The following ZNF564 variants were observed in gnomAD, a reference collection of about 807,000 sequenced individuals.
ZNF564 encodes zinc finger protein 564.
ZNF564 carries 5 observed loss-of-function variants against 10.5 expected under a neutral mutation model. The ratio of observed to expected loss-of-function variants is 0.48; its 90% confidence interval spans 0.25 to 1.00. The LOEUF is 1.00. Ranked by LOEUF, ZNF564 falls within the 50% of genes least tolerant of loss-of-function variation. The pLI, the probability that ZNF564 is intolerant of heterozygous loss-of-function variation, is 0.16. For synonymous variants in ZNF564, 242 were observed against 218.1 expected, an observed-to-expected ratio of 1.11 and a Z score of -0.97; for missense variants, 603 against 669.7, an observed-to-expected ratio of 0.90 and a Z score of 1.10.
intron 1 of ZNF564, among the ~76,000 whole-genome samples, chr19:12,547,218 C>T (rs2022171390): frequency 1.3e-5 from 2 of 152,090 alleles, no homozygotes; most frequent in Admixed American, 1.3e-4. Context: ...TGTGCACCAC[C>T]ACAATTTTTT....
chr19:12,540,665 T>C (rs140867876), intron 1 of ZNF564, among the ~76,000 whole-genome samples: 15 of 152,202 alleles, frequency 9.9e-5, no homozygotes, highest in East Asian at 5.8e-4. Flanking sequence ...CCATCCTGGC[T>C]AACATGATGA....
At chr19:12,537,659 A>C (rs1301612747) in intron 1 of ZNF564, among the ~76,000 whole-genome samples, 5 of 148,554 alleles carry the variant, frequency 3.4e-5, no homozygotes, top group African/African-American at 1.2e-4. Context: ...AATCACTTGA[A>C]CCCGGGAGGC....
At chr19:12,538,255 A>G (rs1333948485) in intron 1 of ZNF564, among the ~76,000 whole-genome samples, 1 of 151,952 alleles carries the variant, frequency 6.6e-6, no homozygotes, top group Non-Finnish European at 1.5e-5. Context: ...TTAGGAGGCA[A>G]AGACAGGAGG....
rs150388108 is a variant in ZNF564 at position 12,539,654 on chromosome 19, C to T, written c.4-10958G>A. Reference sequence around the variant, plus strand: ...CTGCACTCCAGCCTGGGCGACAGAGCGACAATTCCTCTCAAAAAGACAAAA... The same window carrying T: ...CTGCACTCCAGCCTGGGCGACAGAGTGACAATTCCTCTCAAAAAGACAAAA... On this transcript the variant is annotated intron_variant, in intron 1 of 3. Transcript: ENST00000339282. Among the ~76,000 whole-genome samples the T allele has an allele frequency of 3.0e-4, 44 of 145,668 alleles. 1 individual carries two copies. The East Asian group carries it at 8.1e-3, about 27-fold the overall frequency.
At chr19:12,539,568 T>C (rs1471401121) in intron 1 of ZNF564, among the ~76,000 whole-genome samples, 1 of 150,082 alleles carries the variant, frequency 6.7e-6, no homozygotes, top group Non-Finnish European at 1.5e-5. Context: ...CTTGGGAGGC[T>C]GAGGCAGGAG....
rs764254774 is a variant in ZNF564, at chr19:12,527,570, A to T, written c.538T>A (p.Ser180Thr). 7.4e-6 allele frequency: 12 copies of T among 1,614,048 alleles called. No individual in the cohort carries two copies. Among genetic ancestry groups the T allele is most frequent in the Non-Finnish European group, 1.0e-5 (12 of 1,180,024 alleles). The part of the protein sequence containing the change: ...ACPECGKAFI[S>T]LPSVRRHMIK... ...ATGTGTCTTCGAACACTTGGGAGAG[A>T]AATGAAGGCTTTCCCACATTCCGGA... The change falls in exon 4 of 4, where the codon TCT becomes ACT. Residue 180 changes from serine (S) to threonine (T), a missense_variant. Ser to Thr is a moderately conservative substitution (Grantham distance 58, BLOSUM62 1). Transcript: ENST00000339282.
chr19:12,550,560 G>A, intron 1 of ZNF564: 1 of 222,642 alleles, frequency 4.5e-6, no homozygotes, highest in Non-Finnish European at 1.0e-5. Context: ...GGAGGCTGAG[G>A]CAGGAGAATT....
chr19:12,551,181 G>T, intron 1 of ZNF564, 149 bp downstream of exon 1: 1 of 895,972 alleles, frequency 1.1e-6, no homozygotes, highest in Non-Finnish European at 1.7e-6. Flanking sequence ...CCCTGCGGCC[G>T]AGGGGACAGA....
Position 12,526,834 on chromosome 19 carries a change from A to T in ZNF564, c.1274T>A (p.Val425Glu). ...AAGAGAAATGAAGGCTTTCCCACATACCTGACATTCATAGGGTTTCTCTCC... is the reference window on the plus strand; with the variant it reads ...AAGAGAAATGAAGGCTTTCCCACATTCCTGACATTCATAGGGTTTCTCTCC... ...HTGEKPYECQ[V>E]CGKAFISLKR... Residue 425 changes from valine to glutamate, a missense_variant, in exon 4 of 4, where the codon GTA becomes GAA. Physicochemically the swap from Val to Glu is moderately radical, Grantham distance 121. Transcript: ENST00000339282. The T allele has an allele frequency of 6.2e-7, 1 of 1,606,814 alleles. No individual in the cohort carries two copies. Among genetic ancestry groups the T allele is most frequent in the East Asian group, 2.2e-5 (1 of 44,636 alleles).
At chr19:12,550,015 G>A (rs907136676) in intron 1 of ZNF564, among the ~76,000 whole-genome samples, 1 of 152,334 alleles carries the variant, frequency 6.6e-6, no homozygotes, top group South Asian at 2.1e-4. Flanking sequence ...TACCACGGCC[G>A]GGCGCGGTGG....
chr19:12,527,815 G>A lies in ZNF564; in HGVS notation c.293C>T (p.Thr98Ile). The change falls in exon 4 of 4, where the codon ACT becomes ATT. Residue 98 changes from threonine to isoleucine, a missense_variant. Transcript: ENST00000339282. ...LNLNLNKKIP[T>I]IVRPCECSLC... is the part of the protein sequence containing the mutation. ...ACTACATTCACATGGTCTTACTATAGTAGGAATTTTCTTGTTCAGATTAAG... is the reference window on the plus strand; with the variant it reads ...ACTACATTCACATGGTCTTACTATAATAGGAATTTTCTTGTTCAGATTAAG... The A allele has an allele frequency of 3.1e-6, 5 of 1,614,162 alleles. No individual in the cohort carries two copies. Among genetic ancestry groups the A allele is most frequent in the Non-Finnish European group, 4.2e-6 (5 of 1,180,014 alleles).
intron 1 of ZNF564, chr19:12,548,860 A>G (rs2022201560): frequency 2.8e-6 from 2 of 702,766 alleles, no homozygotes; most frequent in Non-Finnish European, 5.2e-6. Context: ...CAAAATCTCT[A>G]CCCTGCAAAG....
chr19:12,538,422 A>C (rs2021960794), intron 1 of ZNF564, among the ~76,000 whole-genome samples: 1 of 151,876 alleles, frequency 6.6e-6, no homozygotes, highest in Non-Finnish European at 1.5e-5. Flanking sequence ...TCAGGAGTTA[A>C]ACACTAGCCT....
At chr19:12,543,376 C>T (rs1204348878) in intron 1 of ZNF564, among the ~76,000 whole-genome samples, 1 of 149,480 alleles carries the variant, frequency 6.7e-6, no homozygotes, top group African/African-American at 2.5e-5. Context: ...GGGAAGGGAC[C>T]ACTTCTAAAA....
intron 1 of ZNF564, among the ~76,000 whole-genome samples, chr19:12,542,064 G>T (rs1034149515): frequency 1.3e-5 from 2 of 150,222 alleles, no homozygotes; most frequent in Non-Finnish European, 3.0e-5. Flanking sequence ...GGGCATGGTG[G>T]CTCACGCCTG....
At chr19:12,549,235 C>T (rs941624952) in intron 1 of ZNF564, among the ~76,000 whole-genome samples, 2 of 152,190 alleles carry the variant, frequency 1.3e-5, no homozygotes, top group African/African-American at 2.4e-5. Context: ...ATACATTCTA[C>T]ATTTAATGAA....
chr19:12,545,262 C>CAAAAAAA (rs534783270), intron 1 of ZNF564, among the ~76,000 whole-genome samples: 2 of 57,412 alleles, frequency 3.5e-5, no homozygotes, highest in African/African-American at 1.0e-4. Context: ...AATTCCGTCT[C>CAAAAAAA]AAAAAAAAAA....
rs200366644 is a variant in ZNF564, at chr19:12,526,607, C to T, written c.1501G>A (p.Gly501Arg). The change falls in exon 4 of 4, where the codon GGA becomes AGA. Residue 501 changes from glycine to arginine, a missense_variant. Coordinates refer to ENST00000339282, the MANE Select transcript of ZNF564 (RefSeq NM_144976.4). ...TGCTTACATTCATAGGGTTTTTCTCCGGTATGAGTTCTTTCATGTATTCTA... is the reference window on the plus strand; with the variant it reads ...TGCTTACATTCATAGGGTTTTTCTCTGGTATGAGTTCTTTCATGTATTCTA... Reference protein sequence around the residue: ...SIRIHERTHTGEKPYECKQCG... With the variant: ...SIRIHERTHTREKPYECKQCG... The T allele has an allele frequency of 8.7e-6, 14 of 1,614,076 alleles. No homozygotes were observed. The highest frequency in any genetic ancestry group is 1.3e-5 in the African/African-American group (1 of 75,008).
At chr19:12,529,097 C>T (rs7248145) in intron 1 of ZNF564, among the ~76,000 whole-genome samples, 102,806 of 152,036 alleles carry the variant, frequency 0.68, 35,184 homozygotes, top group Admixed American at 0.7. Flanking sequence ...ACAAAAAAGT[C>T]GACAAAACGA....
Sources: gnomAD v4.1 joint callset for allele counts (sites outside exome capture counted in the v4.1 genomes callset) on GRCh38, gnomAD v4.1.1 for gene constraint, MANE v1.5 for transcripts, NCBI Gene and HGNC (gene_info 2026-07-23, HGNC 2026-07-21) for gene names.